The following DNAI1 variants were observed in gnomAD, a reference collection of about 807,000 sequenced individuals.
DNAI1 encodes the protein dynein, axonemal, intermediate polypeptide 1.
A neutral mutation model predicts 92.0 loss-of-function variants in DNAI1; 67 were observed. That is an observed-to-expected ratio of 0.73 (90% CI 0.60 to 0.89). The LOEUF is 0.89. Among genes scored for constraint, DNAI1 ranks in the 40% least tolerant of loss-of-function variants. DNAI1 has a pLI of 0.00. For missense variants in DNAI1, 839 were observed against 866.6 expected, an observed-to-expected ratio of 0.97 and a Z score of 0.40; for synonymous variants, 323 against 319.6, an observed-to-expected ratio of 1.01 and a Z score of -0.11.
intron 5 of DNAI1, among the ~76,000 whole-genome samples, 172 bp downstream of exon 5, chr9:34,489,621 G>A (rs949496823): frequency 1.1e-4 from 16 of 152,060 alleles, no homozygotes; most frequent in Non-Finnish European, 1.5e-4. Flanking sequence ...AGGCTGAGGC[G>A]GGCGGATCAT....
chr9:34,486,769 T>C (rs1048428139), intron 4 of DNAI1, among the ~76,000 whole-genome samples: 2 of 152,204 alleles, frequency 1.3e-5, no homozygotes, highest in African/African-American at 4.8e-5. Context: ...CACTTAGCTG[T>C]TCCCCCTCAG....
chr9:34,459,062 C>G lies in DNAI1; in HGVS notation c.48+9C>G, dbSNP rs746021545. 9.3e-6 allele frequency: 15 copies of G among 1,613,450 alleles called. No homozygotes were observed. The highest frequency in any genetic ancestry group is 1.3e-5 in the Non-Finnish European group (15 of 1,179,518). ...AACAGCCTCATAAGCAGGTAACGTA[C>G]GCACACCTTCCTTCTGATGACCTCT... On this transcript the variant is annotated intron_variant, in intron 1 of 19. Coordinates refer to ENST00000242317, the MANE Select transcript of DNAI1 (RefSeq NM_012144.4).
chr9:34,459,168 C>A, intron 1 of DNAI1, 115 bp downstream of exon 1: 1 of 1,031,404 alleles, frequency 9.7e-7, no homozygotes, highest in Non-Finnish European at 1.5e-6. Flanking sequence ...CCAGCCTTCT[C>A]ACCCCCGTGA....
chr9:34,502,784 A>C (rs1438977881), intron 12 of DNAI1, among the ~76,000 whole-genome samples: 22 of 151,908 alleles, frequency 1.4e-4, no homozygotes, highest in Non-Finnish European at 3.2e-4. Flanking sequence ...GTCGTCAGCT[A>C]CAGTCCTGGG....
chr9:34,491,299 G>T, intron 7 of DNAI1, 196 bp from the exon 8 acceptor site: 1 of 649,860 alleles, frequency 1.5e-6, no homozygotes, highest in Non-Finnish European at 2.8e-6. Context: ...TTCTTCTGAA[G>T]GAGGCCAGAA....
chr9:34,464,153 T>C (rs1342659547), intron 1 of DNAI1, among the ~76,000 whole-genome samples: 1 of 152,210 alleles, frequency 6.6e-6, no homozygotes, highest in Non-Finnish European at 1.5e-5. Context: ...CAAAGAGTGC[T>C]GTAAAAGCCT....
chr9:34,512,099 G>T lies in DNAI1; in HGVS notation c.1312-10G>T. ...CAGGGTCCCAGAGCTCACATTTTGG[G>T]ATGTTTCAGGTCAAGTGGCAGAAGG... is the stretch of plus-strand genomic sequence containing the variant. On this transcript the variant is annotated splice_polypyrimidine_tract_variant and intron_variant, in intron 13 of 19. Transcript: ENST00000242317. 1 of 1,613,950 alleles carries T rather than the reference G, an allele frequency of 6.2e-7. No individual in the cohort carries two copies.
intron 13 of DNAI1, among the ~76,000 whole-genome samples, chr9:34,509,908 AAAAAAAAG>A (rs1259542747): frequency 6.6e-6 from 1 of 151,988 alleles, no homozygotes; most frequent in Non-Finnish European, 1.5e-5. Flanking sequence ...TCAAAAAAAA[AAAAAAAAG>A]AAAAAAAAGA....
intron 1 of DNAI1, among the ~76,000 whole-genome samples, chr9:34,472,734 A>G (rs539087578): frequency 1.3e-5 from 2 of 152,188 alleles, no homozygotes; most frequent in East Asian, 3.9e-4. Flanking sequence ...AGACACTGCC[A>G]CTACAAAAGA....
intron 1 of DNAI1, among the ~76,000 whole-genome samples, chr9:34,471,894 T>C (rs1487023633): frequency 1.3e-5 from 2 of 152,168 alleles, no homozygotes; most frequent in Non-Finnish European, 2.9e-5. Flanking sequence ...CACAAAAGAT[T>C]GTTATAATGA....
At chr9:34,481,918 C>T (rs1159532842) in intron 1 of DNAI1, among the ~76,000 whole-genome samples, 1 of 152,184 alleles carries the variant, frequency 6.6e-6, no homozygotes, top group Non-Finnish European at 1.5e-5. Context: ...AGCAGGTTGC[C>T]AATGCTGGCT....
Position 34,512,125 on chromosome 9 carries a change from A to T in DNAI1, c.1328A>T (p.Asp443Val). The stretch of plus-strand genomic sequence containing the variant: ...ATGTTTCAGGTCAAGTGGCAGAAGG[A>T]TGACATGGACCAAAACCTTAACTTC... ...DPVWQVKWQK[D>V]DMDQNLNFFS... is the part of the protein sequence containing the mutation. The change falls in exon 14 of 20, where the codon GAT (aspartate) becomes GTT (valine). Residue 443 changes from aspartate to valine, a missense_variant. Asp to Val is a radical substitution (Grantham distance 152, BLOSUM62 -3). Coordinates refer to ENST00000242317, the MANE Select transcript of DNAI1 (RefSeq NM_012144.4). 6.2e-7 allele frequency: 1 copy of T among 1,614,170 alleles called. No individual in the cohort carries two copies. The highest frequency in any genetic ancestry group is 1.1e-5 in the South Asian group (1 of 91,076).
At chr9:34,470,022 ATAGAAT>A (rs1320788255) in intron 1 of DNAI1, among the ~76,000 whole-genome samples, 3 of 152,382 alleles carry the variant, frequency 2.0e-5, no homozygotes, top group Non-Finnish European at 4.4e-5. Flanking sequence ...GTGGTGGTAA[ATAGAAT>A]TAGCATGTTA....
At chr9:34,494,758 T>G (rs1352332337) in intron 9 of DNAI1, among the ~76,000 whole-genome samples, 2 of 152,150 alleles carry the variant, frequency 1.3e-5, no homozygotes, top group Non-Finnish European at 2.9e-5. Flanking sequence ...AAGACTATGG[T>G]ACAAGCAGAT....
rs147244432 is a variant in DNAI1 at position 34,465,027 on chromosome 9, A to G, written c.48+5974A>G. Among the ~76,000 whole-genome samples the G allele has an allele frequency of 2.0e-3, 312 of 152,380 alleles. 1 individual carries two copies. Among genetic ancestry groups the G allele is most frequent in the African/African-American group, 7.2e-3 (298 of 41,600 alleles). ...GAAGAATGTGTTTCAGTGAAACTGT[A>G]TGGTCAGCCAAGTTGCATGTTGCTA... On this transcript the variant is annotated intron_variant, in intron 1 of 19. Transcript: ENST00000242317.
chr9:34,497,318 TC>T (rs554504783), intron 10 of DNAI1, 119 bp downstream of exon 10: 720 of 772,720 alleles, frequency 9.3e-4, no homozygotes, highest in Non-Finnish European at 1.2e-3. Context: ...GAAAAAATAA[TC>T]CCTCTGTCCT....
intron 13 of DNAI1, among the ~76,000 whole-genome samples, chr9:34,508,582 C>A (rs1290126520): frequency 6.6e-6 from 1 of 152,118 alleles, no homozygotes; most frequent in Admixed American, 6.5e-5. Context: ...CCCAGCCCTG[C>A]CCCTGCTTTC....
At chr9:34,483,586 G>C (rs1352686211) in intron 2 of DNAI1, 106 bp downstream of exon 2, 15 of 1,168,042 alleles carry the variant, frequency 1.3e-5, no homozygotes, top group Middle Eastern at 4.8e-4. Flanking sequence ...ACTAAAAGAA[G>C]AATGTTAAAA....
chr9:34,478,507 A>G (rs914474521), intron 1 of DNAI1: 1 of 152,262 alleles, frequency 6.6e-6, no homozygotes, highest in Non-Finnish European at 1.5e-5. Flanking sequence ...TTATAAGAGC[A>G]GTGACCTCCA....
Sources: allele counts gnomAD v4.1 joint callset (sites outside exome capture counted in the v4.1 genomes callset), GRCh38; gene constraint gnomAD v4.1.1; transcripts MANE v1.5; gene names NCBI Gene and HGNC (gene_info 2026-07-23, HGNC 2026-07-21).